The following TRIOBP variants were observed in gnomAD, a reference collection of about 807,000 sequenced individuals.
TRIOBP encodes TRIO and F-actin-binding protein.
TRIOBP carries 169 observed loss-of-function variants against 238.8 expected under a neutral mutation model. That is an observed-to-expected ratio of 0.71 (90% confidence interval 0.62 to 0.80). TRIOBP has a LOEUF of 0.80. Ranked by LOEUF, TRIOBP falls within the 30% of genes least tolerant of loss-of-function variation. The pLI is 0.00. For synonymous variants in TRIOBP, 1,150 were observed against 1,274.4 expected (o/e 0.90, Z 2.08); for missense variants, 2,838 against 3,122.6 (o/e 0.91, Z 2.17).
In TRIOBP at chr22:37,739,597, G is replaced by A. The variant is rs974886149; in HGVS notation, c.5184+878G>A. On this transcript the variant is annotated intron_variant, in intron 10 of 23. Transcript: ENST00000644935. The stretch of plus-strand genomic sequence containing the variant: ...ACCCAGGGCCCAGGAACCACCCAGC[G>A]CTCTCTCTGCACCTCCACCTGGCAC... Among the ~76,000 whole-genome samples, 7 of 152,130 alleles carry A rather than the reference G, an allele frequency of 4.6e-5. 1 individual carries two copies. The highest frequency in any genetic ancestry group is 1.7e-4 in the African/African-American group (7 of 41,414).
intron 3 of TRIOBP, among the ~76,000 whole-genome samples, chr22:37,706,060 G>A (rs994988135): frequency 6.6e-6 from 1 of 152,096 alleles, no homozygotes; most frequent in African/African-American, 2.4e-5. Context: ...GGAGGCAAAT[G>A]GACACATTTC....
At chr22:37,750,266 G>A (rs1175872038) in intron 11 of TRIOBP, among the ~76,000 whole-genome samples, 11 of 152,250 alleles carry the variant, frequency 7.2e-5, no homozygotes, top group Admixed American at 7.2e-4. Flanking sequence ...CTGGCCCAGG[G>A]ACTTTCGCCT....
chr22:37,723,492 C>G lies in TRIOBP; in HGVS notation c.936C>G (p.Ala312=), dbSNP rs765041764. 9.3e-6 allele frequency: 15 copies of G among 1,613,094 alleles called. No individual in the cohort carries two copies. Among genetic ancestry groups the G allele is most frequent in the African/African-American group, 2.7e-5 (2 of 74,566 alleles). The part of the protein sequence containing the change: ...ASSTQQETSR[A]SSTQEDTPRA... The stretch of plus-strand genomic sequence containing the variant: ...CCACCCAACAGGAAACCTCCAGGGC[C>G]TCATCCACCCAAGAGGACACCCCTA... Residue 312 remains alanine (A), a synonymous_variant, in exon 7 of 24, where the codon GCC becomes GCG. Coordinates refer to ENST00000644935, the MANE Select transcript of TRIOBP (RefSeq NM_001039141.3).
At chr22:37,718,104 G>A (rs923854044) in intron 6 of TRIOBP, among the ~76,000 whole-genome samples, 2 of 152,164 alleles carry the variant, frequency 1.3e-5, no homozygotes, top group Non-Finnish European at 2.9e-5. Flanking sequence ...CTCATTGCCC[G>A]GGGCCGGCAG....
chr22:37,710,547 C>G lies in TRIOBP; in HGVS notation c.235C>G (p.Leu79Val). 2 of 1,611,554 alleles carry G rather than the reference C, an allele frequency of 1.2e-6. No homozygotes were observed. Among genetic ancestry groups the G allele is most frequent in the East Asian group, 4.5e-5 (2 of 44,866 alleles). Residue 79 changes from leucine to valine, a missense_variant, in exon 4 of 24, where the codon CTC becomes GTC. Physicochemically the swap from Leu to Val is conservative, Grantham distance 32. This residue lies in a region of TRIOBP where 535 missense variants were observed against 537.3 expected (regional missense o/e 1.00). Transcript: ENST00000644935. ...CTGCCAGTCTGTGGTGGACCCAGGC[C>G]TCAGGCCAGGGCCCAAGAGGTGGGT... Reference protein sequence around the residue: ...SGCQSVVDPGLRPGPKRGPSP... With the variant: ...SGCQSVVDPGVRPGPKRGPSP...
chr22:37,711,934 C>T (rs1190909007), intron 4 of TRIOBP, among the ~76,000 whole-genome samples: 10 of 152,192 alleles, frequency 6.6e-5, no homozygotes, highest in Non-Finnish European at 1.0e-4. Flanking sequence ...CTCCCTCCCT[C>T]AGCATCTGGG....
At chr22:37,731,270 T>C (rs969955197) in intron 7 of TRIOBP, among the ~76,000 whole-genome samples, 4 of 151,862 alleles carry the variant, frequency 2.6e-5, no homozygotes, top group African/African-American at 9.7e-5. Context: ...CCCAAGTAGC[T>C]GGGACTACAG....
At chr22:37,714,524 C>T (rs563579174) in intron 5 of TRIOBP, among the ~76,000 whole-genome samples, 2 of 152,232 alleles carry the variant, frequency 1.3e-5, no homozygotes, top group East Asian at 3.9e-4. Flanking sequence ...CAAAAATTAG[C>T]AGGGTGTGGT....
At chr22:37,766,857 A>G (rs1263038955) in intron 18 of TRIOBP, among the ~76,000 whole-genome samples, 2 of 151,952 alleles carry the variant, frequency 1.3e-5, no homozygotes, top group Non-Finnish European at 2.9e-5. Context: ...GCTACTCAGG[A>G]GGCTAAGGCA....
Position 37,775,313 on chromosome 22 carries a change from C to T in TRIOBP, c.*1533C>T, listed in dbSNP as rs1411052712. ...AGCAAACGTCCCTGGTGTGTTCAGGCAAAGAGCCACAGGAGAGTGACCTCG... is the reference window on the plus strand; with the variant it reads ...AGCAAACGTCCCTGGTGTGTTCAGGTAAAGAGCCACAGGAGAGTGACCTCG... On this transcript the variant is annotated 3_prime_UTR_variant, in exon 24 of 24. Transcript: ENST00000644935. The T allele has an allele frequency of 2.6e-5, 4 of 152,204 alleles. No individual in the cohort carries two copies. The highest frequency in any genetic ancestry group is 5.9e-5 in the Non-Finnish European group (4 of 68,048). 9.4% of individuals were successfully genotyped at this position (152,204 alleles called of 1,614,324 possible).
At chr22:37,740,305 C>A (rs1924871347) in intron 10 of TRIOBP, among the ~76,000 whole-genome samples, 1 of 152,318 alleles carries the variant, frequency 6.6e-6, no homozygotes, top group Non-Finnish European at 1.5e-5. Flanking sequence ...GAGGATGACT[C>A]CAAAGAGGGA....
intron 18 of TRIOBP, 89 bp from the exon 19 acceptor site, chr22:37,767,985 A>G: frequency 1.0e-6 from 1 of 971,718 alleles, no homozygotes; most frequent in Non-Finnish European, 1.6e-6. Flanking sequence ...ATAGTACTCC[A>G]CCAGTACATG....
intron 18 of TRIOBP, among the ~76,000 whole-genome samples, chr22:37,767,246 G>A (rs1459349569): frequency 1.3e-5 from 1 of 78,918 alleles, no homozygotes; most frequent in African/African-American, 3.4e-5. Context: ...GTGAGACTCC[G>A]TCTCCTGGGT....
At chr22:37,757,476 G>A (rs35857533) in intron 15 of TRIOBP, 137 bp from the exon 16 acceptor site, 4 of 1,213,410 alleles carry the variant, frequency 3.3e-6, no homozygotes, top group Non-Finnish European at 4.7e-6. Context: ...AGGAAGCTCA[G>A]GTCGGGCTGC....
rs753906231 is a variant in TRIOBP at position 37,725,515 on chromosome 22, A to G, written c.2959A>G (p.Ser987Gly). Residue 987 changes from serine to glycine, a missense_variant, in exon 7 of 24, where the codon AGC (serine) becomes GGC (glycine). By Grantham distance (56) the Ser-to-Gly change is moderately conservative. Coordinates refer to ENST00000644935, the MANE Select transcript of TRIOBP (RefSeq NM_001039141.3). ...TSSSHNPGHQ[S>G]TSRTSSPVYP... ...TTCCTCCCATAACCCAGGCCACCAG[A>G]GCACCTCCCGAACTTCCTCACCTGT... 2.4e-5 allele frequency: 38 copies of G among 1,613,178 alleles called. No homozygotes were observed. Among genetic ancestry groups the G allele is most frequent in the Non-Finnish European group, 3.2e-5 (38 of 1,179,908 alleles).
intron 22 of TRIOBP, 130 bp downstream of exon 22, chr22:37,771,866 C>T (rs1441025703): frequency 4.9e-6 from 4 of 820,778 alleles, no homozygotes; most frequent in Admixed American, 2.0e-5. Context: ...GTGCTTCTCC[C>T]ATGTAGGTGT....
Position 37,733,337 on chromosome 22 carries a change from G to C in TRIOBP, c.3987G>C (p.Glu1329Asp), listed in dbSNP as rs903020812. ...CGGGGGCCTTCCAGGCCCAGGACGA[G>C]GGACGGTCACAGCAGCCCAGCCAAG... Reference protein sequence around the residue: ...EAAGAFQAQDEGRSQQPSQGQ... With the variant: ...EAAGAFQAQDDGRSQQPSQGQ... The change falls in exon 8 of 24, where the codon GAG (glutamate) becomes GAC (aspartate). Residue 1329 changes from glutamate to aspartate, a missense_variant. Transcript: ENST00000644935. 3.2e-6 allele frequency: 5 copies of C among 1,551,354 alleles called. No individual in the cohort carries two copies. The African/African-American group carries it at 6.8e-5, about 21-fold the overall frequency.
At position 37,713,380 on chromosome 22, in the gene TRIOBP, C is replaced by A; in HGVS notation, c.425C>A (p.Thr142Asn). 6.2e-7 allele frequency: 1 copy of A among 1,613,784 alleles called. No individual in the cohort carries two copies. Among genetic ancestry groups the A allele is most frequent in the Non-Finnish European group, 8.5e-7 (1 of 1,179,998 alleles). ...SDPTSSPDSA[T>N]PDDTSNSSSV... ...CCCACCTCCAGCCCTGACTCCGCCA[C>A]CCCTGATGATACCAGCAACTCGTCC... The change falls in exon 5 of 24, where the codon ACC (threonine) becomes AAC (asparagine). Residue 142 changes from threonine to asparagine, a missense_variant. This residue lies in a region of TRIOBP where 535 missense variants were observed against 537.3 expected (regional missense o/e 1.00). Transcript: ENST00000644935.
rs2145870027 is a variant in TRIOBP, at chr22:37,757,791, C to T, written c.5866C>T (p.Pro1956Ser). The T allele has an allele frequency of 6.5e-7, 1 of 1,547,836 alleles. No homozygotes were observed. The highest frequency in any genetic ancestry group is 8.7e-7 in the Non-Finnish European group (1 of 1,145,232). Residue 1956 changes from proline to serine, a missense_variant, in exon 16 of 24, where the codon CCG becomes TCG. Transcript: ENST00000644935. ...VELSPLTQAS[P>S]QRARTPARTP... is the part of the protein sequence containing the mutation. ...GCTCTCGCCGCTGACCCAGGCTTCC[C>T]CGCAGCGGGCCCGCACCCCAGCCCG...
Sources: gnomAD v4.1 joint callset for allele counts (sites outside exome capture counted in the v4.1 genomes callset) on GRCh38, gnomAD v4.1.1 for gene constraint, gnomAD v4.1.1 regional missense constraint, MANE v1.5 for transcripts, NCBI Gene and HGNC (gene_info 2026-07-23, HGNC 2026-07-21) for gene names.